The following NCAPH2 variants were observed in gnomAD, a reference collection of about 807,000 sequenced individuals.
NCAPH2 encodes the protein non-SMC condensin II complex subunit H2, also known as condensin-2 complex subunit H2.
A neutral mutation model predicts 88.6 loss-of-function variants in NCAPH2; 56 were observed. The ratio of observed to expected loss-of-function variants is 0.63; its 90% CI spans 0.51 to 0.79. The LOEUF (loss-of-function observed/expected upper bound fraction) is 0.79. NCAPH2 is among the 30% of genes least tolerant of loss of function. The pLI is 0.00. For missense variants in NCAPH2, 794 were observed against 792.0 expected (o/e 1.00, Z -0.03); for synonymous variants, 378 against 313.6 (o/e 1.21, Z -2.17).
intron 12 of NCAPH2, 34 bp downstream of exon 12, chr22:50,521,882 G>A (rs1449575460): frequency 6.2e-7 from 1 of 1,613,344 alleles, no homozygotes; most frequent in Non-Finnish European, 8.5e-7. Context: ...CGGACCACTG[G>A]GAGCTGGGGG....
rs543798416 is a variant in NCAPH2 at position 50,510,195 on chromosome 22, A to G, written c.108+1750A>G. On this transcript the variant is annotated intron_variant, in intron 1 of 19. Transcript: ENST00000420993. ...CTTGGCCTCCCAAAGTGCTGGGATT[A>G]CAGGCGTGAGCCACCGCGCCCGGCC... Among the ~76,000 whole-genome samples the G allele has an allele frequency of 1.6e-3, 240 of 152,300 alleles. No homozygotes were observed. In the Middle Eastern group the frequency reaches 0.027, roughly 17 times the overall value.
At chr22:50,508,681 C>A (rs2068697172) in intron 1 of NCAPH2, among the ~76,000 whole-genome samples, 1 of 152,206 alleles carries the variant, frequency 6.6e-6, no homozygotes, top group African/African-American at 2.4e-5. Flanking sequence ...CGTCAGCGAG[C>A]CGTGAATGAT....
At chr22:50,516,235 C>A (rs2068918743) in intron 1 of NCAPH2, among the ~76,000 whole-genome samples, 1 of 152,126 alleles carries the variant, frequency 6.6e-6, no homozygotes, top group Non-Finnish European at 1.5e-5. Context: ...CTTCCACTTC[C>A]AAAACAGGTT....
intron 2 of NCAPH2, 56 bp downstream of exon 2, chr22:50,516,604 G>A (rs1242638482): frequency 1.3e-5 from 20 of 1,533,136 alleles, no homozygotes; most frequent in Admixed American, 1.2e-4. Context: ...GACCACAGTC[G>A]GCTCTCCTTC....
intron 10 of NCAPH2, 111 bp downstream of exon 10, chr22:50,521,147 T>C: frequency 3.9e-6 from 5 of 1,288,790 alleles, no homozygotes; most frequent in Non-Finnish European, 5.3e-6. Flanking sequence ...TCCCAGCCTG[T>C]GGCCCTTTGC....
intron 1 of NCAPH2, among the ~76,000 whole-genome samples, chr22:50,513,806 G>C (rs1222075080): frequency 6.6e-6 from 1 of 152,084 alleles, no homozygotes; most frequent in African/African-American, 2.4e-5. Flanking sequence ...AAAATCACCA[G>C]AAACTTATAA....
In NCAPH2 at chr22:50,517,723, A is replaced by C. The variant is rs758238985; in HGVS notation, c.352-18A>C. 6.2e-7 allele frequency: 1 copy of C among 1,614,042 alleles called. No individual in the cohort carries two copies. Among genetic ancestry groups the C allele is most frequent in the Admixed American group, 1.7e-5 (1 of 60,028 alleles). On this transcript the variant is annotated intron_variant, in intron 4 of 19. Coordinates refer to ENST00000420993, the MANE Select transcript of NCAPH2 (RefSeq NM_152299.4). ...TGTTTGCCTGGGCTCCGCCCCCACG[A>C]GCTCTGTCTCCCTCCAGTTCCTGTC...
chr22:50,515,457 C>T (rs1034210659), intron 1 of NCAPH2, among the ~76,000 whole-genome samples: 25 of 152,202 alleles, frequency 1.6e-4, no homozygotes, highest in African/African-American at 4.1e-4. Context: ...AGTGCAGTGG[C>T]GCGATCTCGG....
rs1315360150 is a variant in NCAPH2 at position 50,523,856 on chromosome 22, G to A, written c.*481G>A. 4 of 1,614,022 alleles carry A rather than the reference G, an allele frequency of 2.5e-6. No individual in the cohort carries two copies. In the South Asian group the frequency reaches 4.4e-5, roughly 18 times the overall value. ...GAGCCGGTCAGACCCAACAGTCTTGGGTGGAAGTCCTGGACGTAGCGGGCC... is the reference window on the plus strand; with the variant it reads ...GAGCCGGTCAGACCCAACAGTCTTGAGTGGAAGTCCTGGACGTAGCGGGCC... On this transcript the variant is annotated 3_prime_UTR_variant, in exon 20 of 20. Transcript: ENST00000420993.
intron 1 of NCAPH2, among the ~76,000 whole-genome samples, chr22:50,511,046 C>T (rs2068767967): frequency 6.6e-6 from 1 of 151,346 alleles, no homozygotes. Flanking sequence ...CGGGGTTTTA[C>T]CGTGTTAGCC....
Position 50,518,844 on chromosome 22 carries a change from C to T in NCAPH2, c.730+112C>T. ...GCTGCTCTCAGCTGCCAGCCTCATG[C>T]CCCTTCTGTGGCCCATGGGAGTGAG... On this transcript the variant is annotated intron_variant, in intron 8 of 19. Transcript: ENST00000420993. The T allele has an allele frequency of 1.8e-6, 2 of 1,088,608 alleles. 1 individual carries two copies. Among genetic ancestry groups the T allele is most frequent in the South Asian group, 3.1e-5 (2 of 64,432 alleles). 67.4% of individuals were successfully genotyped at this position (1,088,608 alleles called of 1,614,324 possible). A position where few individuals can be genotyped will look rare whatever the true frequency, so the allele number is the denominator to read the frequency against.
chr22:50,520,150 G>T (rs1042732637), intron 9 of NCAPH2, among the ~76,000 whole-genome samples: 1 of 152,176 alleles, frequency 6.6e-6, no homozygotes, highest in Non-Finnish European at 1.5e-5. Context: ...GATTACAGGC[G>T]TGAGCCACCA....
Position 50,523,379 on chromosome 22 carries a change from G to A in NCAPH2, c.*4G>A. The A allele has an allele frequency of 6.5e-7, 1 of 1,541,464 alleles. No individual in the cohort carries two copies. Among genetic ancestry groups the A allele is most frequent in the Non-Finnish European group, 8.8e-7 (1 of 1,142,478 alleles). On this transcript the variant is annotated 3_prime_UTR_variant, in exon 20 of 20. Transcript: ENST00000420993. ...CCCCTCCATGGCCCAGCCCTGAGTG[G>A]GGAGCACCGAGGCAGGGGTGGGGGA...
At position 50,521,453 on chromosome 22, in the gene NCAPH2, T is replaced by C. The variant is rs1344792982; in HGVS notation, c.934-90T>C. The C allele has an allele frequency of 3.0e-6, 4 of 1,355,206 alleles. No homozygotes were observed. The Admixed American group carries it at 5.1e-5, about 17-fold the overall frequency. The allele number at this position is 1,355,206 out of a possible 1,614,324, so 83.9% of individuals were successfully genotyped here. A position where few individuals can be genotyped will look rare whatever the true frequency, so the allele number is the denominator to read the frequency against. ...GGCTGTGTACCCCCTACTCTTCCTT[T>C]GGGAGGGTGGCTGTGCATCCCCTAC... On this transcript the variant is annotated intron_variant, in intron 10 of 19. Transcript: ENST00000420993.
At chr22:50,521,446 C>T in intron 10 of NCAPH2, 97 bp from the exon 11 acceptor site, 1 of 1,299,862 alleles carries the variant, frequency 7.7e-7, no homozygotes, top group Non-Finnish European at 1.1e-6. Context: ...ACCCCCTACT[C>T]TTCCTTTGGG....
chr22:50,524,741 C>T lies in NCAPH2; in HGVS notation c.*1366C>T, dbSNP rs1280439373. The T allele has an allele frequency of 2.5e-5, 14 of 552,258 alleles. No individual in the cohort carries two copies. The highest frequency in any genetic ancestry group is 2.8e-5 in the Non-Finnish European group (8 of 281,768). 34.2% of individuals were successfully genotyped at this position (552,258 alleles called of 1,614,324 possible). On this transcript the variant is annotated 3_prime_UTR_variant, in exon 20 of 20. Coordinates refer to ENST00000420993, the MANE Select transcript of NCAPH2 (RefSeq NM_152299.4). ...CAAGTGCATGCCTTGCCTGAACTAA[C>T]CACGTTATCTATTTGCAATAAACCC...
At position 50,518,751 on chromosome 22, in the gene NCAPH2, G is replaced by A. The variant is rs184980625; in HGVS notation, c.730+19G>A. 375 of 1,590,276 alleles carry A rather than the reference G, an allele frequency of 2.4e-4. 2 individuals carry two copies. The highest frequency in any genetic ancestry group is 3.0e-4 in the Non-Finnish European group (347 of 1,169,452). ...GAGCCAGGTGAGAAGAGAGCTCCCC[G>A]GTGGGACTGGCAGGGCAGCCAAAGA... On this transcript the variant is annotated intron_variant, in intron 8 of 19. Transcript: ENST00000420993.
At chr22:50,508,581 G>A (rs1054879742) in intron 1 of NCAPH2, 136 bp downstream of exon 1, 14 of 541,920 alleles carry the variant, frequency 2.6e-5, no homozygotes, top group Non-Finnish European at 4.2e-5. Context: ...GCAGGTCCTC[G>A]GGCTCCCTGC....
chr22:50,522,642 C>T, intron 16 of NCAPH2, 29 bp from the exon 17 acceptor site: 1 of 1,613,642 alleles, frequency 6.2e-7, no homozygotes, highest in South Asian at 1.1e-5. Context: ...GGCCCCTTAG[C>T]TGCCCAGCTC....
Sources: allele counts gnomAD v4.1 joint callset (sites outside exome capture counted in the v4.1 genomes callset), GRCh38; gene constraint gnomAD v4.1.1; transcripts MANE v1.5; gene names NCBI Gene and HGNC (gene_info 2026-07-23, HGNC 2026-07-21).